Variants in VOPP1 observed in about 807,000 individuals in gnomAD.
The protein encoded by VOPP1 is WW domain binding protein VOPP1.
VOPP1 carries 8 observed loss-of-function variants against 23.5 expected under a neutral mutation model. The ratio of observed to expected loss-of-function variants is 0.34; its 90% CI spans 0.20 to 0.61. VOPP1 has a LOEUF of 0.61. Ranked by LOEUF, VOPP1 falls within the 20% of genes least tolerant of loss-of-function variation. VOPP1 has a pLI of 0.78. For synonymous variants in VOPP1, 83 were observed against 97.3 expected, an observed-to-expected ratio of 0.85 and a Z score of 0.86; for missense variants, 174 against 238.1, an observed-to-expected ratio of 0.73 and a Z score of 1.77.
chr7:55,539,333 G>A (rs766840020), intron 1 of VOPP1, among the ~76,000 whole-genome samples: 3 of 152,118 alleles, frequency 2.0e-5, no homozygotes, highest in Non-Finnish European at 4.4e-5. Flanking sequence ...CGACATGAGC[G>A]AAACTTGATC....
At chr7:55,441,401 A>C (rs1444469916) in intron 4 of VOPP1, among the ~76,000 whole-genome samples, 1 of 152,120 alleles carries the variant, frequency 6.6e-6, no homozygotes, top group East Asian at 1.9e-4. Flanking sequence ...ACACCCAGAG[A>C]CAAGCGCACA....
downstream of VOPP1, among the ~76,000 whole-genome samples, chr7:55,467,864 T>C (rs1791671369): frequency 6.6e-6 from 1 of 152,232 alleles, no homozygotes; most frequent in South Asian, 2.1e-4. Context: ...ATACACCCCT[T>C]CTATCAGGTA....
At chr7:55,546,237 T>C (rs1797361780) in intron 1 of VOPP1, among the ~76,000 whole-genome samples, 1 of 152,068 alleles carries the variant, frequency 6.6e-6, no homozygotes, top group Non-Finnish European at 1.5e-5. Flanking sequence ...ATCTCCTGAG[T>C]TACAAGACAG....
rs986408903 is a variant in VOPP1 at position 55,476,442 on chromosome 7, G to A, written c.329-3397C>T. 1.3e-4 allele frequency among the ~76,000 whole-genome samples: 9 copies of A among 70,204 alleles called. 1 individual carries two copies. In the South Asian group the frequency reaches 3.4e-3, roughly 26 times the overall value. 46.1% of individuals were successfully genotyped at this position (70,204 alleles called of 152,430 possible). The stretch of plus-strand genomic sequence containing the variant: ...CCAGTGGCGTGTCGGGGGGGTGGGC[G>A]GGGGGGCTGGGCCAATCTTTCCTGG... On this transcript the variant is annotated intron_variant, in intron 4 of 4. Coordinates refer to ENST00000285279, the MANE Select transcript of VOPP1 (RefSeq NM_030796.5).
intron 2 of VOPP1, among the ~76,000 whole-genome samples, chr7:55,498,110 C>T (rs1440916203): frequency 6.6e-6 from 1 of 152,262 alleles, no homozygotes; most frequent in Non-Finnish European, 1.5e-5. Context: ...AAATACCCCA[C>T]CACATCCACT....
chr7:55,489,374 G>A (rs1037478487), intron 4 of VOPP1, among the ~76,000 whole-genome samples: 2 of 152,254 alleles, frequency 1.3e-5, no homozygotes, highest in African/African-American at 4.8e-5. Flanking sequence ...GCCACTCGCT[G>A]TAGAGAGCTG....
chr7:55,446,849 G>A (rs1225474113), intron 4 of VOPP1, among the ~76,000 whole-genome samples: 1 of 152,162 alleles, frequency 6.6e-6, no homozygotes, highest in African/African-American at 2.4e-5. Context: ...CAAAACAACT[G>A]AACAGGAATT....
intron 1 of VOPP1, among the ~76,000 whole-genome samples, chr7:55,536,823 C>T (rs1211517932): frequency 6.6e-6 from 1 of 152,118 alleles, no homozygotes; most frequent in Non-Finnish European, 1.5e-5. Flanking sequence ...AAGGGCGCAC[C>T]GTACCCAGTC....
intron 2 of VOPP1, among the ~76,000 whole-genome samples, chr7:55,505,087 C>G (rs946295788): frequency 6.6e-6 from 1 of 152,188 alleles, no homozygotes; most frequent in Non-Finnish European, 1.5e-5. Context: ...CATTCTGTCA[C>G]TCAAGGCATT....
chr7:55,505,651 A>AAGGGAGGGAGGG (rs56047831), intron 2 of VOPP1, among the ~76,000 whole-genome samples: 21 of 78,604 alleles, frequency 2.7e-4, no homozygotes, highest in African/African-American at 1.3e-3. Flanking sequence ...GGAAGGAAGG[A>AAGGGAGGGAGGG]AGGGAGGGAG....
intron 1 of VOPP1, among the ~76,000 whole-genome samples, chr7:55,536,281 C>A (rs1227630314): frequency 6.6e-6 from 1 of 152,206 alleles, no homozygotes; most frequent in Non-Finnish European, 1.5e-5. Context: ...GTAATCCCAG[C>A]ACTTCGGGAG....
chr7:55,514,675 C>T (rs764235240), intron 2 of VOPP1, among the ~76,000 whole-genome samples: 3 of 152,172 alleles, frequency 2.0e-5, no homozygotes, highest in African/African-American at 7.2e-5. Flanking sequence ...GAGCATGGTA[C>T]CCATGCACCA....
intron 1 of VOPP1, among the ~76,000 whole-genome samples, chr7:55,526,344 C>T (rs1304795137): frequency 6.6e-6 from 1 of 152,154 alleles, no homozygotes; most frequent in Non-Finnish European, 1.5e-5. Context: ...ATAGTTATCC[C>T]TATTTAGGCA....
intron 1 of VOPP1, among the ~76,000 whole-genome samples, chr7:55,560,843 T>C (rs1455956561): frequency 6.6e-6 from 1 of 152,154 alleles, no homozygotes; most frequent in Non-Finnish European, 1.5e-5. Flanking sequence ...TTGTTCATTT[T>C]CCAATCCATC....
At chr7:55,556,860 G>T (rs914837841) in intron 1 of VOPP1, among the ~76,000 whole-genome samples, 5 of 152,118 alleles carry the variant, frequency 3.3e-5, no homozygotes, top group African/African-American at 1.2e-4. Flanking sequence ...GCTTCGCTTA[G>T]ACCAGGTGAA....
At chr7:55,515,982 C>G in intron 2 of VOPP1, 1 of 985,408 alleles carries the variant, frequency 1.0e-6, no homozygotes. Context: ...ACGGTGGCCC[C>G]TGTTTCAGGC....
rs1345115033 is a variant in VOPP1, at chr7:55,472,954, G to A, written c.420C>T (p.Val140=). 1 of 1,587,852 alleles carries A rather than the reference G, an allele frequency of 6.3e-7. No individual in the cohort carries two copies. Among genetic ancestry groups the A allele is most frequent in the South Asian group, 1.1e-5 (1 of 87,214 alleles). Residue 140 remains valine, a synonymous_variant, in exon 5 of 5, where the codon GTC becomes GTT. Coordinates refer to ENST00000285279, the MANE Select transcript of VOPP1 (RefSeq NM_030796.5). ...CACTCCCCTGGGGTGAGTTGGGTGG[G>A]ACCTGGAAAGCCATTGCCATGGAAT... ...VGNSMAMAFQ[V]PPNSPQGSVA... is the part of the protein sequence containing the mutation.
At chr7:55,475,365 G>T (rs1314570533) in intron 4 of VOPP1, among the ~76,000 whole-genome samples, 1 of 152,214 alleles carries the variant, frequency 6.6e-6, no homozygotes, top group Non-Finnish European at 1.5e-5. Flanking sequence ...GCCACCACAG[G>T]TTTGGCGGAG....
chr7:55,461,713 G>A (rs1437521673), intron 4 of VOPP1, among the ~76,000 whole-genome samples: 1 of 152,328 alleles, frequency 6.6e-6, no homozygotes, highest in Middle Eastern at 3.4e-3. Flanking sequence ...ACTGCGCCCG[G>A]CCCAGCTAGT....
Sources: allele counts gnomAD v4.1 joint callset (sites outside exome capture counted in the v4.1 genomes callset), GRCh38; gene constraint gnomAD v4.1.1; transcripts MANE v1.5; gene names NCBI Gene and HGNC (gene_info 2026-07-23, HGNC 2026-07-21).